The following PARM1 variants were observed in gnomAD, a reference collection of about 807,000 sequenced individuals.
The protein encoded by PARM1 is WSC4, cell wall integrity and stress response component 4 homolog.
A neutral mutation model predicts 24.6 loss-of-function variants in PARM1; 14 were observed. The ratio of observed to expected loss-of-function variants is 0.57; its 90% CI spans 0.38 to 0.89. The LOEUF (loss-of-function observed/expected upper bound fraction) is 0.89, where lower values mean the gene tolerates loss of function less well. PARM1 is among the 40% of genes least tolerant of loss of function. The pLI is 0.00. For missense variants in PARM1, 362 were observed against 380.4 expected (o/e 0.95, Z 0.40); for synonymous variants, 179 against 156.6 (o/e 1.14, Z -1.07).
Position 75,012,544 on chromosome 4 carries a change from T to A in PARM1, c.163T>A (p.Ser55Thr). Residue 55 changes from serine to threonine, a missense_variant, in exon 2 of 4, where the codon TCC becomes ACC. By Grantham distance (58) the Ser-to-Thr change is moderately conservative. Transcript: ENST00000307428. Reference sequence around the variant, plus strand: ...ACAAAACACTGATGCAGACACTGCCTCCCCATCCAACGGCACTCACAACAA... The same window carrying A: ...ACAAAACACTGATGCAGACACTGCCACCCCATCCAACGGCACTCACAACAA... The part of the protein sequence containing the change: ...SPQNTDADTA[S>T]PSNGTHNNSV... 1 of 1,613,812 alleles carries A rather than the reference T, an allele frequency of 6.2e-7. No homozygotes were observed.
intron 1 of PARM1, among the ~76,000 whole-genome samples, chr4:74,966,108 C>G (rs935784889): frequency 1.3e-5 from 2 of 152,092 alleles, no homozygotes; most frequent in African/African-American, 4.8e-5. Flanking sequence ...AAAGGTAAAG[C>G]CTCAAAACTA....
At chr4:75,024,686 T>A (rs1041455958) in intron 2 of PARM1, among the ~76,000 whole-genome samples, 1 of 152,148 alleles carries the variant, frequency 6.6e-6, no homozygotes, top group African/African-American at 2.4e-5. Context: ...TTTTTCCCTT[T>A]AGTTTTTTGT....
At chr4:75,040,214 T>A (rs1298478729) in intron 3 of PARM1, among the ~76,000 whole-genome samples, 1 of 152,200 alleles carries the variant, frequency 6.6e-6, no homozygotes, top group Non-Finnish European at 1.5e-5. Context: ...TGGGAATCTG[T>A]TAAACCACAC....
chr4:75,044,408 C>A (rs1415744385), intron 3 of PARM1, among the ~76,000 whole-genome samples: 1 of 152,190 alleles, frequency 6.6e-6, no homozygotes, highest in Non-Finnish European at 1.5e-5. Flanking sequence ...ATGAACAGAT[C>A]AGTTTTGGGG....
Position 75,010,545 on chromosome 4 carries a change from T to A in PARM1, c.44-1880T>A, listed in dbSNP as rs575864821. On this transcript the variant is annotated intron_variant, in intron 1 of 3. Coordinates refer to ENST00000307428, the MANE Select transcript of PARM1 (RefSeq NM_015393.4). Reference sequence around the variant, plus strand: ...ACCACAATAAAAAATTAAAAAAAATTTTTTTAAATAGACAACAGGCTAGAG... The same window carrying A: ...ACCACAATAAAAAATTAAAAAAAATATTTTTAAATAGACAACAGGCTAGAG... Among the ~76,000 whole-genome samples, 20 of 152,262 alleles carry A rather than the reference T, an allele frequency of 1.3e-4. 1 individual carries two copies. In the South Asian group the frequency reaches 4.1e-3, roughly 32 times the overall value.
At chr4:75,015,900 G>T (rs1426009022) in intron 2 of PARM1, among the ~76,000 whole-genome samples, 1 of 152,212 alleles carries the variant, frequency 6.6e-6, no homozygotes, top group Admixed American at 6.5e-5. Flanking sequence ...TGCGCTTCAG[G>T]TTACTATTTT....
chr4:75,016,633 A>G (rs1205657614), intron 2 of PARM1, among the ~76,000 whole-genome samples: 3 of 152,038 alleles, frequency 2.0e-5, no homozygotes, highest in Admixed American at 6.6e-5. Flanking sequence ...TCTGACTCAG[A>G]TGATCACTGC....
chr4:75,039,456 C>A (rs1333271545), intron 3 of PARM1, among the ~76,000 whole-genome samples: 2 of 152,150 alleles, frequency 1.3e-5, no homozygotes, highest in Non-Finnish European at 2.9e-5. Flanking sequence ...ATGGCATGAA[C>A]CTGGGATGTG....
intron 1 of PARM1, among the ~76,000 whole-genome samples, chr4:74,940,141 A>C (rs1339613009): frequency 6.6e-6 from 1 of 152,204 alleles, no homozygotes; most frequent in Non-Finnish European, 1.5e-5. Context: ...CCTAATACGA[A>C]GTTAACAAAA....
intron 1 of PARM1, among the ~76,000 whole-genome samples, chr4:74,936,757 G>A (rs17248887): frequency 0.072 from 10,985 of 152,024 alleles, 451 homozygotes; most frequent in Non-Finnish European, 0.088. Flanking sequence ...GCCCGGGCAC[G>A]TTCAAGTTTT....
At chr4:75,002,900 C>T (rs1468725196) in intron 1 of PARM1, among the ~76,000 whole-genome samples, 2 of 152,168 alleles carry the variant, frequency 1.3e-5, no homozygotes, top group African/African-American at 2.4e-5. Context: ...CAGGATGGAG[C>T]GCAGGCTAAG....
At chr4:74,949,505 G>A (rs1721483861) in intron 1 of PARM1, among the ~76,000 whole-genome samples, 1 of 152,116 alleles carries the variant, frequency 6.6e-6, no homozygotes, top group Admixed American at 6.6e-5. Flanking sequence ...GTAGAGATGG[G>A]GTTTCACCAT....
chr4:74,996,842 G>C (rs1578043975), intron 1 of PARM1, among the ~76,000 whole-genome samples: 1 of 152,184 alleles, frequency 6.6e-6, no homozygotes, highest in Admixed American at 6.5e-5. Context: ...AAGTTTGCTT[G>C]TAGTTTTTAT....
intron 1 of PARM1, among the ~76,000 whole-genome samples, chr4:75,003,178 C>T (rs1274636600): frequency 2.6e-5 from 4 of 152,162 alleles, no homozygotes; most frequent in African/African-American, 9.7e-5. Context: ...CCCTGAGAAA[C>T]CCCAATACAG....
chr4:74,936,447 TTG>T (rs568984318), intron 1 of PARM1, among the ~76,000 whole-genome samples: 1 of 39,710 alleles, frequency 2.5e-5, no homozygotes, highest in African/African-American at 6.3e-5. Flanking sequence ...TGTTTTTTTT[TTG>T]TTTGTTTTTT....
chr4:75,002,395 A>T (rs1435421819), intron 1 of PARM1, among the ~76,000 whole-genome samples: 1 of 152,112 alleles, frequency 6.6e-6, no homozygotes, highest in Non-Finnish European at 1.5e-5. Flanking sequence ...TAGGCAACAG[A>T]TGTCTGAATT....
chr4:74,987,972 GC>G (rs1443436367), intron 1 of PARM1, among the ~76,000 whole-genome samples: 2 of 152,172 alleles, frequency 1.3e-5, no homozygotes, highest in Admixed American at 1.3e-4. Flanking sequence ...GTCATGTGAG[GC>G]CCTGGGCTAG....
intron 1 of PARM1, among the ~76,000 whole-genome samples, chr4:74,963,662 T>C (rs1199225769): frequency 6.6e-6 from 1 of 151,996 alleles, no homozygotes; most frequent in Non-Finnish European, 1.5e-5. Context: ...AGGAAAGAAA[T>C]AGGAGTGATT....
intron 1 of PARM1, among the ~76,000 whole-genome samples, chr4:74,986,597 A>C (rs1012716252): frequency 9.9e-5 from 15 of 152,208 alleles, no homozygotes; most frequent in Non-Finnish European, 2.2e-4. Context: ...TGAAAACAGC[A>C]ATGAGAGCAC....
Sources: allele counts gnomAD v4.1 joint callset (sites outside exome capture counted in the v4.1 genomes callset), GRCh38; gene constraint gnomAD v4.1.1; transcripts MANE v1.5; gene names NCBI Gene and HGNC (gene_info 2026-07-23, HGNC 2026-07-21).